ADGRB3: variants seen among roughly 807,000 people sequenced by gnomAD.
ADGRB3 encodes brain-specific angiogenesis inhibitor 3.
A neutral mutation model predicts 193.4 loss-of-function variants in ADGRB3; 37 were observed. The ratio of observed to expected loss-of-function variants is 0.19; its 90% CI spans 0.15 to 0.25. ADGRB3 has a LOEUF of 0.25. ADGRB3 is among the 10% of genes least tolerant of loss of function. The pLI is 1.00. For synonymous variants in ADGRB3, 690 were observed against 644.2 expected (o/e 1.07, Z -1.08); for missense variants, 1,637 against 1,852.9 (o/e 0.88, Z 2.14).
At chr6:68,836,204 G>A in intron 3 of ADGRB3, among the ~76,000 whole-genome samples, 1 of 151,946 alleles carries the variant, frequency 6.6e-6, no homozygotes, top group Non-Finnish European at 1.5e-5. Flanking sequence ...GCTACCCTTT[G>A]ATAAATGACT....
At chr6:68,733,509 T>C (rs777208365) in intron 3 of ADGRB3, among the ~76,000 whole-genome samples, 1 of 151,658 alleles carries the variant, frequency 6.6e-6, no homozygotes, top group Non-Finnish European at 1.5e-5. Flanking sequence ...GAGGAAAGCA[T>C]TGAAAACCTA....
chr6:68,894,145 G>A (rs149360544), intron 3 of ADGRB3, among the ~76,000 whole-genome samples: 6 of 151,880 alleles, frequency 4.0e-5, no homozygotes, highest in Non-Finnish European at 5.9e-5. Flanking sequence ...TCATCATCAC[G>A]TAGAATTAAG....
At chr6:69,026,964 C>G (rs550143873) in intron 13 of ADGRB3, among the ~76,000 whole-genome samples, 4 of 152,118 alleles carry the variant, frequency 2.6e-5, no homozygotes, top group Non-Finnish European at 5.9e-5. Context: ...TTACTATTCA[C>G]TGTTGTAGAC....
intron 6 of ADGRB3, among the ~76,000 whole-genome samples, chr6:68,954,563 A>G (rs1260558899): frequency 6.6e-6 from 1 of 152,126 alleles, no homozygotes; most frequent in Admixed American, 6.5e-5. Flanking sequence ...AAGACACTGC[A>G]TCTGCACTGC....
chr6:68,832,579 A>G (rs1375770729), intron 3 of ADGRB3, among the ~76,000 whole-genome samples: 1 of 152,050 alleles, frequency 6.6e-6, no homozygotes, highest in Non-Finnish European at 1.5e-5. Flanking sequence ...ATGCATTTTC[A>G]TTTTTCAATG....
chr6:68,683,275 G>A (rs940942435), intron 3 of ADGRB3, among the ~76,000 whole-genome samples: 1 of 151,912 alleles, frequency 6.6e-6, no homozygotes, highest in Non-Finnish European at 1.5e-5. Flanking sequence ...TATTGATAAA[G>A]ATTTACATGG....
chr6:69,149,924 C>CTCTGTGTG (rs1183732660), intron 17 of ADGRB3, among the ~76,000 whole-genome samples: 3 of 128,886 alleles, frequency 2.3e-5, no homozygotes, highest in African/African-American at 9.0e-5. Flanking sequence ...GTCTGTCTTT[C>CTCTGTGTG]TGTGTGTGTG....
intron 26 of ADGRB3, among the ~76,000 whole-genome samples, chr6:69,341,809 G>T (rs1443232545): frequency 6.6e-6 from 1 of 152,102 alleles, no homozygotes; most frequent in Non-Finnish European, 1.5e-5. Context: ...GATTAAGGAT[G>T]AAGTATTTCA....
intron 3 of ADGRB3, among the ~76,000 whole-genome samples, chr6:68,820,467 C>T (rs1767728640): frequency 6.6e-6 from 1 of 151,978 alleles, no homozygotes; most frequent in Admixed American, 6.6e-5. Context: ...TCCATCACCT[C>T]AAGCATTTAC....
At chr6:69,168,476 G>A (rs1318952215) in intron 17 of ADGRB3, among the ~76,000 whole-genome samples, 1 of 152,194 alleles carries the variant, frequency 6.6e-6, no homozygotes, top group Non-Finnish European at 1.5e-5. Context: ...ACTAAAGGTT[G>A]CTTTAAAGGA....
chr6:69,267,127 A>AT (rs1171903946), intron 20 of ADGRB3, among the ~76,000 whole-genome samples: 3 of 152,034 alleles, frequency 2.0e-5, no homozygotes, highest in East Asian at 1.9e-4. Flanking sequence ...CTTTTTTTAA[A>AT]TTTTTTTGTT....
chr6:69,308,931 T>C (rs1288583434), intron 20 of ADGRB3, among the ~76,000 whole-genome samples: 1 of 151,666 alleles, frequency 6.6e-6, no homozygotes, highest in East Asian at 1.9e-4. Flanking sequence ...TGACCTCAGC[T>C]AAAACCAAAG....
chr6:69,030,077 C>T (rs1397313150), intron 13 of ADGRB3, among the ~76,000 whole-genome samples: 1 of 151,542 alleles, frequency 6.6e-6, no homozygotes, highest in Non-Finnish European at 1.5e-5. Context: ...CCATCCCATG[C>T]CAGTTAGAAT....
intron 3 of ADGRB3, among the ~76,000 whole-genome samples, chr6:68,813,424 C>T (rs1206019963): frequency 2.0e-5 from 3 of 152,052 alleles, no homozygotes; most frequent in Non-Finnish European, 2.9e-5. Context: ...TAGCTAAATA[C>T]GTTAATAGTA....
chr6:69,158,298 A>G (rs900358288), intron 17 of ADGRB3, among the ~76,000 whole-genome samples: 3 of 152,084 alleles, frequency 2.0e-5, no homozygotes, highest in Admixed American at 1.3e-4. Context: ...ATTGTATTAA[A>G]TAGCATTGGA....
chr6:69,155,535 C>G (rs761260447), intron 17 of ADGRB3, among the ~76,000 whole-genome samples: 21 of 151,864 alleles, frequency 1.4e-4, no homozygotes, highest in Non-Finnish European at 2.5e-4. Context: ...CAAAGTTTAC[C>G]CAATAGTATT....
chr6:69,098,549 CAGA>C (rs2150320294), intron 17 of ADGRB3, among the ~76,000 whole-genome samples: 1 of 152,202 alleles, frequency 6.6e-6, no homozygotes, highest in African/African-American at 2.4e-5. Flanking sequence ...ACAATTATGG[CAGA>C]AGGTTAAGGG....
chr6:69,099,316 T>G (rs946268664), intron 17 of ADGRB3, among the ~76,000 whole-genome samples: 1 of 152,250 alleles, frequency 6.6e-6, no homozygotes, highest in Non-Finnish European at 1.5e-5. Context: ...AAAGTCACAT[T>G]GACTAAGAGA....
intron 16 of ADGRB3, among the ~76,000 whole-genome samples, chr6:69,073,519 A>AG (rs1491527614): frequency 6.6e-6 from 1 of 152,162 alleles, no homozygotes; most frequent in Non-Finnish European, 1.5e-5. Flanking sequence ...AAAATGAAAC[A>AG]GGGGCCCTCG....
Sources: allele counts gnomAD v4.1 joint callset (sites outside exome capture counted in the v4.1 genomes callset), GRCh38; gene constraint gnomAD v4.1.1; transcripts MANE v1.5; gene names NCBI Gene and HGNC (gene_info 2026-07-23, HGNC 2026-07-21).